The following INPP4B variants were observed in gnomAD, a reference collection of about 807,000 sequenced individuals.
INPP4B encodes the protein inositol polyphosphate-4-phosphatase type II B.
A neutral mutation model predicts 122.5 loss-of-function variants in INPP4B; 55 were observed. That is an observed-to-expected ratio of 0.45 (90% CI 0.36 to 0.56). INPP4B has a LOEUF of 0.56. Among genes scored for constraint, INPP4B ranks in the 20% least tolerant of loss-of-function variants. The pLI is 0.00. For missense variants in INPP4B, 1,000 were observed against 1,097.7 expected (o/e 0.91, Z 1.26); for synonymous variants, 403 against 388.7 (o/e 1.04, Z -0.43).
intron 2 of INPP4B, among the ~76,000 whole-genome samples, chr4:142,628,426 G>T (rs1203007115): frequency 3.5e-5 from 2 of 56,378 alleles, no homozygotes; most frequent in African/African-American, 1.1e-4. Flanking sequence ...TGGGGGGAGG[G>T]GGGAGGGATA....
intron 11 of INPP4B, among the ~76,000 whole-genome samples, chr4:142,247,778 G>GTC (rs1456488375): frequency 6.6e-6 from 1 of 151,994 alleles, no homozygotes; most frequent in Non-Finnish European, 1.5e-5. Flanking sequence ...GGTTTTTTGT[G>GTC]TCTCTCTCTC....
In INPP4B at chr4:142,632,797, G is replaced by A. The variant is rs1021906788; in HGVS notation, c.-191+93042C>T. ...CAGAAGTAAAAGATGCATGTTGTGA[G>A]ATCTAGAATAAATTCTAAAAATGGT... On this transcript the variant is annotated intron_variant, in intron 2 of 25. Transcript: ENST00000262992. 3.3e-5 allele frequency among the ~76,000 whole-genome samples: 5 copies of A among 151,812 alleles called. No homozygotes were observed. In the East Asian group the frequency reaches 7.7e-4, roughly 23 times the overall value.
intron 2 of INPP4B, among the ~76,000 whole-genome samples, chr4:142,679,750 AC>A (rs1437648031): frequency 3.3e-5 from 5 of 151,724 alleles, no homozygotes; most frequent in Non-Finnish European, 5.9e-5. Context: ...CTATCGGATA[AC>A]TTTTCAGGCT....
At chr4:142,058,861 T>A (rs1231691851) in intron 25 of INPP4B, among the ~76,000 whole-genome samples, 1 of 152,062 alleles carries the variant, frequency 6.6e-6, no homozygotes, top group Non-Finnish European at 1.5e-5. Context: ...TTACAACAAT[T>A]GAGAGGTGGT....
chr4:142,038,768 G>C (rs1745511705), intron 25 of INPP4B, among the ~76,000 whole-genome samples: 1 of 152,194 alleles, frequency 6.6e-6, no homozygotes, highest in African/African-American at 2.4e-5. Flanking sequence ...GTAAGGCGTA[G>C]GCTGCCTTGG....
intron 21 of INPP4B, among the ~76,000 whole-genome samples, chr4:142,117,586 GA>G (rs1252582086): frequency 3.3e-5 from 5 of 152,124 alleles, no homozygotes; most frequent in African/African-American, 7.2e-5. Context: ...AATAGATGCA[GA>G]AAAGGCCTTT....
chr4:142,138,734 G>A (rs1806087102), intron 18 of INPP4B, among the ~76,000 whole-genome samples: 5 of 152,018 alleles, frequency 3.3e-5, no homozygotes, highest in Admixed American at 3.3e-4. Flanking sequence ...GTTGTGAAAA[G>A]GAAGAGAGGA....
At chr4:142,091,577 C>T (rs1322777691) in intron 23 of INPP4B, among the ~76,000 whole-genome samples, 1 of 152,176 alleles carries the variant, frequency 6.6e-6, no homozygotes, top group Non-Finnish European at 1.5e-5. Flanking sequence ...ACAGTCTCCT[C>T]ACACACGTGC....
intron 2 of INPP4B, among the ~76,000 whole-genome samples, chr4:142,638,275 A>G (rs542256789): frequency 6.6e-6 from 1 of 152,104 alleles, no homozygotes; most frequent in African/African-American, 2.4e-5. Context: ...CACCATACCT[A>G]AGTTCTAGGT....
At chr4:142,632,757 C>A (rs1351733803) in intron 2 of INPP4B, among the ~76,000 whole-genome samples, 1 of 151,688 alleles carries the variant, frequency 6.6e-6, no homozygotes, top group Non-Finnish European at 1.5e-5. Context: ...AGAATATCAA[C>A]TGATATTAAA....
At chr4:142,603,889 C>T (rs1323994887) in intron 2 of INPP4B, among the ~76,000 whole-genome samples, 1 of 127,042 alleles carries the variant, frequency 7.9e-6, no homozygotes, top group Admixed American at 9.1e-5. Context: ...ATCCTAATAC[C>T]AAAACCAGAC....
chr4:142,269,898 T>C (rs574122322), intron 10 of INPP4B, among the ~76,000 whole-genome samples: 1 of 152,332 alleles, frequency 6.6e-6, no homozygotes, highest in African/African-American at 2.4e-5. Context: ...AATTATAGTG[T>C]ATAAAATTCA....
intron 2 of INPP4B, among the ~76,000 whole-genome samples, chr4:142,584,455 G>T (rs904626744): frequency 1.3e-5 from 2 of 151,964 alleles, no homozygotes; most frequent in Non-Finnish European, 2.9e-5. Flanking sequence ...GGATCCTCTT[G>T]TCTCTGACTT....
chr4:142,641,494 C>G (rs1750451784), intron 2 of INPP4B, among the ~76,000 whole-genome samples: 1 of 150,632 alleles, frequency 6.6e-6, no homozygotes, highest in South Asian at 2.1e-4. Context: ...TTTTCAGTTC[C>G]CAGCTATCAG....
intron 2 of INPP4B, among the ~76,000 whole-genome samples, chr4:142,491,580 C>T (rs1423123513): frequency 2.0e-5 from 3 of 152,138 alleles, no homozygotes; most frequent in Admixed American, 6.5e-5. Flanking sequence ...TTGCTTGAAC[C>T]CGGGAGGTGG....
At chr4:142,759,286 T>A (rs919869174) in intron 1 of INPP4B, among the ~76,000 whole-genome samples, 1 of 152,164 alleles carries the variant, frequency 6.6e-6, no homozygotes, top group Non-Finnish European at 1.5e-5. Flanking sequence ...AGATCAATGA[T>A]CTGTCACCAA....
At chr4:142,786,300 C>T (rs146178052) in intron 1 of INPP4B, among the ~76,000 whole-genome samples, 1 of 152,088 alleles carries the variant, frequency 6.6e-6, no homozygotes, top group Non-Finnish European at 1.5e-5. Context: ...GGGACTATAC[C>T]AAAGGAGCAG....
intron 7 of INPP4B, among the ~76,000 whole-genome samples, chr4:142,362,360 A>G (rs565269488): frequency 6.6e-5 from 10 of 152,116 alleles, no homozygotes; most frequent in Middle Eastern, 6.8e-3. Context: ...GTGCTTTAAC[A>G]AGGCAGATTT....
chr4:142,252,434 C>T lies in INPP4B; in HGVS notation c.688+8058G>A, dbSNP rs962602051. Among the ~76,000 whole-genome samples, 9 of 151,922 alleles carry T rather than the reference C, an allele frequency of 5.9e-5. No homozygotes were observed. In the South Asian group the frequency reaches 6.3e-4, roughly 11 times the overall value. On this transcript the variant is annotated intron_variant, in intron 11 of 25. Coordinates refer to ENST00000262992, the MANE Select transcript of INPP4B (RefSeq NM_001101669.3). ...CGATCTCCTGACCTCGTGATCCGCCCGCCTCGGCCTCCCAAAGTGCTGGGA... is the reference window on the plus strand; with the variant it reads ...CGATCTCCTGACCTCGTGATCCGCCTGCCTCGGCCTCCCAAAGTGCTGGGA...
Sources: gnomAD v4.1 joint callset for allele counts (sites outside exome capture counted in the v4.1 genomes callset) on GRCh38, gnomAD v4.1.1 for gene constraint, MANE v1.5 for transcripts, NCBI Gene and HGNC (gene_info 2026-07-23, HGNC 2026-07-21) for gene names.